The following MALRD1 variants were observed in gnomAD, a reference collection of about 807,000 sequenced individuals.
MALRD1 encodes the protein MAM and LDL-receptor class A domain-containing protein 1.
A neutral mutation model predicts 242.1 loss-of-function variants in MALRD1; 247 were observed. That is an observed-to-expected ratio of 1.02 (90% confidence interval 0.92 to 1.13). The LOEUF (loss-of-function observed/expected upper bound fraction) is 1.13, where lower values mean the gene tolerates loss of function less well. Among genes scored for constraint, MALRD1 ranks in the 50% most tolerant of loss-of-function variants. The pLI is 0.00. For synonymous variants in MALRD1, 995 were observed against 866.6 expected (o/e 1.15, Z -2.60); for missense variants, 2,989 against 2,533.1 (o/e 1.18, Z -3.86).
At chr10:19,470,436 A>G (rs1005284578) in intron 29 of MALRD1, among the ~76,000 whole-genome samples, 1 of 152,016 alleles carries the variant, frequency 6.6e-6, no homozygotes, top group African/African-American at 2.4e-5. Context: ...ATTAATTTCA[A>G]TTCCTTTGGG....
intron 36 of MALRD1, among the ~76,000 whole-genome samples, chr10:19,623,112 C>G (rs1405693933): frequency 1.2e-4 from 18 of 151,754 alleles, no homozygotes; most frequent in Non-Finnish European, 1.5e-5. Context: ...TTCAATGACT[C>G]AAATGCAATT....
chr10:19,682,517 G>A (rs912429011), intron 36 of MALRD1, among the ~76,000 whole-genome samples: 8 of 152,222 alleles, frequency 5.3e-5, no homozygotes, highest in Non-Finnish European at 8.8e-5. Context: ...TGAATGGAGC[G>A]GGATGTTTAT....
At chr10:19,508,300 G>T (rs532960220) in intron 31 of MALRD1, among the ~76,000 whole-genome samples, 2 of 151,644 alleles carry the variant, frequency 1.3e-5, no homozygotes, top group Admixed American at 1.3e-4. Context: ...TAGAGGAAGA[G>T]ATCTGACACT....
rs1335484221 is a variant in MALRD1, at chr10:19,450,390, A to G, written c.4929A>G (p.Gly1643=). Residue 1643 remains glycine, a synonymous_variant, in exon 29 of 40, where the codon GGA becomes GGG. Transcript: ENST00000454679. ...GGCAAAAGGCTGACATCCTGCTAGG[A>G]AAGTTAAGGAATTTTGAAGTCATAT... is the stretch of plus-strand genomic sequence containing the variant. ...NHWQKADILL[G]KLRNFEVIFQ... is the part of the protein sequence containing the mutation. 2 of 1,550,394 alleles carry G rather than the reference A, an allele frequency of 1.3e-6. No homozygotes were observed. Among genetic ancestry groups the G allele is most frequent in the Non-Finnish European group, 1.7e-6 (2 of 1,146,958 alleles).
chr10:19,113,823 A>T (rs12218566), intron 5 of MALRD1, among the ~76,000 whole-genome samples: 1 of 147,750 alleles, frequency 6.8e-6, no homozygotes, highest in African/African-American at 2.4e-5. Flanking sequence ...ACACACACAC[A>T]CACACACAGA....
intron 18 of MALRD1, among the ~76,000 whole-genome samples, chr10:19,227,317 A>G (rs547220944): frequency 7.2e-5 from 11 of 152,126 alleles, no homozygotes; most frequent in Non-Finnish European, 1.5e-4. Context: ...AACAGAGTAA[A>G]TAATTTAGAA....
chr10:19,311,639 G>A (rs895206383), intron 21 of MALRD1, among the ~76,000 whole-genome samples: 3 of 151,320 alleles, frequency 2.0e-5, no homozygotes, highest in Middle Eastern at 3.2e-3. Context: ...CTATATGTCT[G>A]TCAATATAAT....
chr10:19,284,159 A>G lies in MALRD1; in HGVS notation c.3419+978A>G, dbSNP rs1227530564. 5.3e-5 allele frequency among the ~76,000 whole-genome samples: 8 copies of G among 152,292 alleles called. No individual in the cohort carries two copies. The East Asian group carries it at 1.4e-3, about 26-fold the overall frequency. On this transcript the variant is annotated intron_variant, in intron 21 of 39. Coordinates refer to ENST00000454679, the MANE Select transcript of MALRD1 (RefSeq NM_001142308.3). Reference sequence around the variant, plus strand: ...TAATATTTTTCTTTATTGACTATTAAGGCTTTTGTCCATTTTGAACTTTTT... The same window carrying G: ...TAATATTTTTCTTTATTGACTATTAGGGCTTTTGTCCATTTTGAACTTTTT...
intron 29 of MALRD1, among the ~76,000 whole-genome samples, chr10:19,482,001 A>G (rs1837015718): frequency 1.3e-5 from 2 of 152,008 alleles, no homozygotes; most frequent in Non-Finnish European, 2.9e-5. Flanking sequence ...GTTGCTCAAT[A>G]CATGTTTCTG....
intron 33 of MALRD1, among the ~76,000 whole-genome samples, chr10:19,574,184 T>C (rs1836693009): frequency 6.6e-6 from 1 of 152,222 alleles, no homozygotes; most frequent in Non-Finnish European, 1.5e-5. Context: ...CTGGTATCTC[T>C]AGGCTTGAAT....
At chr10:19,306,544 G>GTA (rs200048394) in intron 21 of MALRD1, among the ~76,000 whole-genome samples, 6 of 146,356 alleles carry the variant, frequency 4.1e-5, no homozygotes, top group East Asian at 2.0e-4. Context: ...ACTGTGTATA[G>GTA]TATATATATA....
At chr10:19,363,355 C>T (rs189763343) in intron 26 of MALRD1, among the ~76,000 whole-genome samples, 28 of 152,030 alleles carry the variant, frequency 1.8e-4, no homozygotes, top group African/African-American at 6.7e-4. Context: ...ATAGAGAGAC[C>T]AGAGTGAAAG....
At chr10:19,556,994 T>C (rs1353419205) in intron 32 of MALRD1, among the ~76,000 whole-genome samples, 1 of 152,102 alleles carries the variant, frequency 6.6e-6, no homozygotes, top group African/African-American at 2.4e-5. Context: ...TTTTAAAAGA[T>C]GTTTAGTGTC....
chr10:19,400,776 G>A (rs937322569), intron 28 of MALRD1, among the ~76,000 whole-genome samples: 1 of 152,286 alleles, frequency 6.6e-6, no homozygotes, highest in Admixed American at 6.5e-5. Context: ...AGCACTTTTG[G>A]AGGCCAAGGC....
At chr10:19,366,675 T>G (rs998597172) in intron 26 of MALRD1, among the ~76,000 whole-genome samples, 26 of 152,222 alleles carry the variant, frequency 1.7e-4, no homozygotes, top group Admixed American at 4.6e-4. Context: ...ATTCTGGTGA[T>G]GAACATATGG....
At chr10:19,381,783 G>T (rs534474659) in intron 26 of MALRD1, among the ~76,000 whole-genome samples, 23 of 152,118 alleles carry the variant, frequency 1.5e-4, no homozygotes, top group African/African-American at 4.8e-4. Context: ...AGTTTGCAGT[G>T]AGCCGAGATT....
chr10:19,580,642 A>T (rs1837071045), intron 33 of MALRD1, among the ~76,000 whole-genome samples: 2 of 152,056 alleles, frequency 1.3e-5, no homozygotes, highest in African/African-American at 4.8e-5. Context: ...TTAAGTCTGA[A>T]TTTTTTCCAG....
In MALRD1 at chr10:19,331,514, C is replaced by T; in HGVS notation, c.3833C>T (p.Ala1278Val). The change falls in exon 24 of 40, where the codon GCC (alanine) becomes GTC (valine). Residue 1278 changes from alanine to valine, a missense_variant. By Grantham distance (64) the Ala-to-Val change is moderately conservative (BLOSUM62 0). Transcript: ENST00000454679. ...ATGTGTGCTAATAAGCACTGCATTG[C>T]CAAAGACAAGCTGTGTGATTTTGTG... is the stretch of plus-strand genomic sequence containing the variant. ...EFMCANKHCI[A>V]KDKLCDFVND... is the part of the protein sequence containing the mutation. 6.5e-7 allele frequency: 1 copy of T among 1,550,274 alleles called. No individual in the cohort carries two copies.
chr10:19,531,227 C>G lies in MALRD1; in HGVS notation c.5354C>G (p.Ser1785Cys). 2.6e-6 allele frequency: 4 copies of G among 1,550,374 alleles called. No individual in the cohort carries two copies. The highest frequency in any genetic ancestry group is 3.5e-6 in the Non-Finnish European group (4 of 1,146,844). ...SGQHFLYVNS[S>C]GSKEGSVARI... is the part of the protein sequence containing the mutation. Reference sequence around the variant, plus strand: ...CAGCACTTCCTGTACGTCAACTCATCTGGCTCCAAGGAAGGATCCGTTGCC... The same window carrying G: ...CAGCACTTCCTGTACGTCAACTCATGTGGCTCCAAGGAAGGATCCGTTGCC... The change falls in exon 32 of 40, where the codon TCT becomes TGT. Residue 1785 changes from serine (S) to cysteine (C), a missense_variant. Ser to Cys is a moderately radical substitution (Grantham distance 112, BLOSUM62 -1). Transcript: ENST00000454679.
Sources: allele counts gnomAD v4.1 joint callset (sites outside exome capture counted in the v4.1 genomes callset), GRCh38; gene constraint gnomAD v4.1.1; transcripts MANE v1.5; gene names NCBI Gene and HGNC (gene_info 2026-07-23, HGNC 2026-07-21).